MAGI3: variants seen among roughly 807,000 people sequenced by gnomAD.
The protein encoded by MAGI3 is membrane-associated guanylate kinase, WW and PDZ domain-containing protein 3.
A neutral mutation model predicts 121.8 loss-of-function variants in MAGI3; 43 were observed. The observed-to-expected ratio is 0.35, with a 90% CI of 0.28 to 0.46. The LOEUF (loss-of-function observed/expected upper bound fraction) is 0.46. MAGI3 is among the 20% of genes least tolerant of loss of function. The probability of loss-of-function intolerance (pLI) is 1.00; values close to 1 mark genes in which losing one functional copy is unlikely to be tolerated. For synonymous variants in MAGI3, 553 were observed against 639.3 expected, an observed-to-expected ratio of 0.86 and a Z score of 2.04; for missense variants, 1,547 against 1,797.3, an observed-to-expected ratio of 0.86 and a Z score of 2.52.
chr1:113,685,882 T>C lies in MAGI3; in HGVS notation c.*1868T>C, dbSNP rs1648520641. On this transcript the variant is annotated 3_prime_UTR_variant, in exon 21 of 21. Coordinates refer to ENST00000307546, the MANE Select transcript of MAGI3 (RefSeq NM_001142782.2). The stretch of plus-strand genomic sequence containing the variant: ...GAGGTTCTGATTAGAGAAAGATCTG[T>C]AAATTGCTCATTATTTTTTATATAG... 6.6e-6 allele frequency: 1 copy of C among 152,316 alleles called. No individual in the cohort carries two copies. Among genetic ancestry groups the C allele is most frequent in the Non-Finnish European group, 1.5e-5 (1 of 68,040 alleles). The allele number at this position is 152,316 out of a possible 1,614,324, so 9.4% of individuals were successfully genotyped here.
chr1:113,559,227 C>T (rs997505379), intron 2 of MAGI3, among the ~76,000 whole-genome samples: 2 of 152,134 alleles, frequency 1.3e-5, no homozygotes, highest in Non-Finnish European at 2.9e-5. Flanking sequence ...TATAAATGGG[C>T]TAAATGCCCC....
rs1380307085 is a variant in MAGI3, at chr1:113,391,627, TCTCCCCCCG to T, written c.316+280_316+288del. Among the ~76,000 whole-genome samples the T allele has an allele frequency of 1.3e-5, 2 of 152,168 alleles. No individual in the cohort carries two copies. The highest frequency in any genetic ancestry group is 2.9e-5 in the Non-Finnish European group (2 of 67,992). ...TGGGTTTCCTACATTTGTAGCTCCA[TCTCCCCCCG>T]CAGACAAGAGTTTTTGACTAGAGAA... On this transcript the variant is annotated intron_variant, in intron 1 of 20. Coordinates refer to ENST00000307546, the MANE Select transcript of MAGI3 (RefSeq NM_001142782.2). The surrounding 1 kb of genome is among the most constrained non-coding windows in gnomAD (Gnocchi z 4.4).
intron 1 of MAGI3, among the ~76,000 whole-genome samples, chr1:113,479,318 C>T (rs112337231): frequency 1.5e-4 from 23 of 152,270 alleles, no homozygotes; most frequent in African/African-American, 5.1e-4. Context: ...AGAAATCACC[C>T]GTCTTCTGCG....
At chr1:113,425,760 G>A (rs1165029760) in intron 1 of MAGI3, among the ~76,000 whole-genome samples, 1 of 152,004 alleles carries the variant, frequency 6.6e-6, no homozygotes, top group African/African-American at 2.4e-5. Flanking sequence ...AATAGACCCT[G>A]TTTCATTCCT....
At chr1:113,399,659 CA>C (rs1388007405) in intron 1 of MAGI3, among the ~76,000 whole-genome samples, 3 of 151,552 alleles carry the variant, frequency 2.0e-5, no homozygotes, top group East Asian at 1.9e-4. Flanking sequence ...TTAATGTGCA[CA>C]ATTTAAAAGT....
At chr1:113,578,792 A>G (rs1411523378) in intron 2 of MAGI3, among the ~76,000 whole-genome samples, 1 of 152,192 alleles carries the variant, frequency 6.6e-6, no homozygotes. Context: ...TGTTTTCCAG[A>G]TTTTATATCC....
intron 16 of MAGI3, among the ~76,000 whole-genome samples, chr1:113,667,434 T>G (rs1481694429): frequency 6.6e-6 from 1 of 152,210 alleles, no homozygotes; most frequent in Non-Finnish European, 1.5e-5. Flanking sequence ...TCTTCTAGCT[T>G]CACACTTTTC....
chr1:113,642,393 A>G lies in MAGI3; in HGVS notation c.1843A>G (p.Lys615Glu). 6.2e-7 allele frequency: 1 copy of G among 1,614,214 alleles called. No homozygotes were observed. The highest frequency in any genetic ancestry group is 1.6e-4 in the Middle Eastern group (1 of 6,062). The change falls in exon 10 of 21, where the codon AAA becomes GAA. Residue 615 changes from lysine to glutamate, a missense_variant. Transcript: ENST00000307546. ...LDSQWCQGLQ[K>E]GDIIKEIYHQ... ...TAGTCAGTGGTGTCAAGGCCTTCAG[A>G]AAGGAGATATAATTAAGGAAATATA...
chr1:113,513,744 A>T (rs189720992), intron 1 of MAGI3, among the ~76,000 whole-genome samples: 1 of 152,348 alleles, frequency 6.6e-6, no homozygotes, highest in East Asian at 1.9e-4. Flanking sequence ...AAAACACCAA[A>T]AGCAATGAGC....
chr1:113,567,076 C>A, intron 2 of MAGI3, among the ~76,000 whole-genome samples: 1 of 149,452 alleles, frequency 6.7e-6, no homozygotes, highest in Non-Finnish European at 1.5e-5. Flanking sequence ...ACTTAAATTT[C>A]TAAAATTAAA....
In MAGI3 at chr1:113,625,539, G is replaced by A. The variant is rs144974515; in HGVS notation, c.1360+2545G>A. On this transcript the variant is annotated intron_variant, in intron 9 of 20. Transcript: ENST00000307546. Reference sequence around the variant, plus strand: ...GAAAGGCTACTGATTTTTGTATGTCGCTTTTGTATCCTGCAACTTTACTGA... The same window carrying A: ...GAAAGGCTACTGATTTTTGTATGTCACTTTTGTATCCTGCAACTTTACTGA... Among the ~76,000 whole-genome samples, 9 of 152,082 alleles carry A rather than the reference G, an allele frequency of 5.9e-5. 1 individual carries two copies. The highest frequency in any genetic ancestry group is 8.8e-5 in the Non-Finnish European group (6 of 67,972).
intron 1 of MAGI3, among the ~76,000 whole-genome samples, chr1:113,449,298 C>T (rs1335385621): frequency 1.3e-5 from 2 of 151,268 alleles, no homozygotes; most frequent in African/African-American, 4.9e-5. Flanking sequence ...TGGTGAATTT[C>T]CTCGTTTAGT....
chr1:113,541,243 T>G (rs1659277417), intron 1 of MAGI3, among the ~76,000 whole-genome samples: 1 of 152,196 alleles, frequency 6.6e-6, no homozygotes, highest in Non-Finnish European at 1.5e-5. Context: ...TGATGGCCCC[T>G]TCCAGGAACC....
At chr1:113,414,748 A>G (rs937091075) in intron 1 of MAGI3, among the ~76,000 whole-genome samples, 11 of 152,022 alleles carry the variant, frequency 7.2e-5, no homozygotes, top group African/African-American at 2.4e-4. Flanking sequence ...TTTTATAAAA[A>G]TTACAAAACA....
At position 113,602,694 on chromosome 1, in the gene MAGI3, G is replaced by A. The variant is rs1649481603; in HGVS notation, c.1018+8134G>A. 3.9e-5 allele frequency among the ~76,000 whole-genome samples: 6 copies of A among 152,140 alleles called. No individual in the cohort carries two copies. In the South Asian group the frequency reaches 8.3e-4, roughly 21 times the overall value. Reference sequence around the variant, plus strand: ...TGCCTATAAGCCCAGCACTTTAGGCGGCCAAGGCAGGCAGATTGCTTGGTA... The same window carrying A: ...TGCCTATAAGCCCAGCACTTTAGGCAGCCAAGGCAGGCAGATTGCTTGGTA... On this transcript the variant is annotated intron_variant, in intron 6 of 20. Coordinates refer to ENST00000307546, the MANE Select transcript of MAGI3 (RefSeq NM_001142782.2).
At chr1:113,399,136 A>G (rs1651272102) in intron 1 of MAGI3, among the ~76,000 whole-genome samples, 1 of 152,038 alleles carries the variant, frequency 6.6e-6, no homozygotes, top group Non-Finnish European at 1.5e-5. Flanking sequence ...CTAGACTGTC[A>G]GTGTAGCGGT....
chr1:113,424,196 CG>C (rs1207085697), intron 1 of MAGI3, among the ~76,000 whole-genome samples: 3 of 149,936 alleles, frequency 2.0e-5, no homozygotes, highest in African/African-American at 7.4e-5. Context: ...CAGCCACCCC[CG>C]CCGCCTGCCC....
At chr1:113,436,960 G>A (rs772064184) in intron 1 of MAGI3, among the ~76,000 whole-genome samples, 4 of 151,680 alleles carry the variant, frequency 2.6e-5, no homozygotes, top group African/African-American at 7.3e-5. Flanking sequence ...GACTACAGGC[G>A]TGTGCCACCA....
At chr1:113,515,472 A>G (rs1018159950) in intron 1 of MAGI3, among the ~76,000 whole-genome samples, 2 of 152,150 alleles carry the variant, frequency 1.3e-5, no homozygotes, top group Non-Finnish European at 1.5e-5. Flanking sequence ...ATGACCTCCA[A>G]AAATGATTGA....
Sources: allele counts gnomAD v4.1 joint callset (sites outside exome capture counted in the v4.1 genomes callset), GRCh38; gene constraint gnomAD v4.1.1; non-coding constraint Gnocchi (gnomAD v3.1); transcripts MANE v1.5; gene names NCBI Gene and HGNC (gene_info 2026-07-23, HGNC 2026-07-21).